CHCHD6: variants seen among roughly 807,000 people sequenced by gnomAD.
CHCHD6 encodes the protein coiled-coil-helix-coiled-coil-helix domain containing 6, also known as MICOS complex subunit MIC25.
A neutral mutation model predicts 32.3 loss-of-function variants in CHCHD6; 28 were observed. The ratio of observed to expected loss-of-function variants is 0.87; its 90% confidence interval spans 0.64 to 1.19. CHCHD6 has a LOEUF of 1.19. CHCHD6 is among the 50% of genes most tolerant of loss of function. The pLI is 0.00. For missense variants in CHCHD6, 333 were observed against 307.0 expected, an observed-to-expected ratio of 1.08 and a Z score of -0.63; for synonymous variants, 122 against 117.5, an observed-to-expected ratio of 1.04 and a Z score of -0.25.
At chr3:126,920,680 A>C (rs1459110328) in intron 6 of CHCHD6, among the ~76,000 whole-genome samples, 1 of 152,190 alleles carries the variant, frequency 6.6e-6, no homozygotes, top group African/African-American at 2.4e-5. Flanking sequence ...TGGCTCCCTA[A>C]GTCCTAGCTG....
At chr3:126,784,420 T>C (rs1938101575) in intron 4 of CHCHD6, among the ~76,000 whole-genome samples, 1 of 152,172 alleles carries the variant, frequency 6.6e-6, no homozygotes, top group South Asian at 2.1e-4. Flanking sequence ...CCATTGTGGA[T>C]GTCACTCTCC....
At chr3:126,952,983 T>C (rs1027920903) in intron 6 of CHCHD6, 2 of 985,212 alleles carry the variant, frequency 2.0e-6, no homozygotes, top group African/African-American at 1.7e-5. Context: ...GGATGTGGGG[T>C]CTTCTGTGGT....
intron 4 of CHCHD6, among the ~76,000 whole-genome samples, chr3:126,788,734 A>G (rs1280908298): frequency 6.6e-6 from 1 of 152,050 alleles, no homozygotes; most frequent in Admixed American, 6.5e-5. Flanking sequence ...TAGCCTTGCT[A>G]GCGGTCTATC....
intron 4 of CHCHD6, among the ~76,000 whole-genome samples, chr3:126,765,934 C>A (rs575104003): frequency 3.3e-5 from 5 of 152,190 alleles, no homozygotes; most frequent in African/African-American, 1.2e-4. Context: ...AAAGGAGGAC[C>A]CGGATGCTTC....
At chr3:126,778,169 A>T (rs1432396199) in intron 4 of CHCHD6, among the ~76,000 whole-genome samples, 1 of 152,196 alleles carries the variant, frequency 6.6e-6, no homozygotes, top group Non-Finnish European at 1.5e-5. Context: ...TCCATTAACC[A>T]GTTGATGGAT....
chr3:126,931,236 G>T (rs2078400806), intron 6 of CHCHD6, among the ~76,000 whole-genome samples: 1 of 152,254 alleles, frequency 6.6e-6, no homozygotes, highest in African/African-American at 2.4e-5. Context: ...GTTCTTTGTG[G>T]AGTCAGCCTT....
At chr3:126,925,795 C>T (rs1244611673) in intron 6 of CHCHD6, among the ~76,000 whole-genome samples, 1 of 152,250 alleles carries the variant, frequency 6.6e-6, no homozygotes, top group Non-Finnish European at 1.5e-5. Flanking sequence ...AGAAGAGAGC[C>T]ACGGAGGGCC....
intron 5 of CHCHD6, among the ~76,000 whole-genome samples, chr3:126,862,288 ACCT>A (rs1168633212): frequency 1.2e-4 from 13 of 111,840 alleles, no homozygotes; most frequent in East Asian, 5.7e-4. Context: ...TACCATCACC[ACCT>A]CCTCCTCCTC....
chr3:126,704,965 G>C (rs1214582956), intron 1 of CHCHD6, among the ~76,000 whole-genome samples: 1 of 151,864 alleles, frequency 6.6e-6, no homozygotes, highest in Admixed American at 6.6e-5. Context: ...TCGACCTCTG[G>C]GGACTGCATC....
chr3:126,783,486 A>C (rs1938050242), intron 4 of CHCHD6, among the ~76,000 whole-genome samples: 1 of 152,220 alleles, frequency 6.6e-6, no homozygotes. Context: ...AAAGCATCCA[A>C]ATCAGAAAAG....
At chr3:126,813,876 C>T (rs570920426) in intron 4 of CHCHD6, among the ~76,000 whole-genome samples, 4 of 152,278 alleles carry the variant, frequency 2.6e-5, no homozygotes, top group South Asian at 2.1e-4. Context: ...ACTAGTTGAT[C>T]GGGGGATCTG....
rs1450598106 is a variant in CHCHD6 at position 126,737,395 on chromosome 3, TA to T, written c.411+4174del. On this transcript the variant is annotated intron_variant, in intron 4 of 7. Transcript: ENST00000290913. ...TATTATTTTATGATGTGTGAGTATATATATATATATATATATATATATATGC... is the reference window on the plus strand; with the variant it reads ...TATTATTTTATGATGTGTGAGTATATTATATATATATATATATATATATGC... Among the ~76,000 whole-genome samples the T allele has an allele frequency of 3.3e-3, 398 of 121,652 alleles. 3 individuals are homozygous for T. Among genetic ancestry groups the T allele is most frequent in the African/African-American group, 0.018 (379 of 21,362 alleles). The allele number at this position is 121,652 out of a possible 152,430, so 79.8% of individuals were successfully genotyped here. A position where few individuals can be genotyped will look rare whatever the true frequency, so the allele number is the denominator to read the frequency against.
At chr3:126,879,604 TAA>T (rs1443469782) in intron 5 of CHCHD6, among the ~76,000 whole-genome samples, 2 of 152,338 alleles carry the variant, frequency 1.3e-5, no homozygotes, top group Middle Eastern at 3.4e-3. Flanking sequence ...TAAAGGAGGA[TAA>T]AGAGACATGT....
chr3:126,812,391 G>A (rs1041694497), intron 4 of CHCHD6, among the ~76,000 whole-genome samples: 5 of 146,898 alleles, frequency 3.4e-5, no homozygotes, highest in African/African-American at 1.3e-4. Context: ...CTGGCTTCTA[G>A]TATAACCCAA....
At chr3:126,908,347 C>G (rs912142977) in intron 5 of CHCHD6, among the ~76,000 whole-genome samples, 1 of 152,252 alleles carries the variant, frequency 6.6e-6, no homozygotes, top group Non-Finnish European at 1.5e-5. Context: ...TGTGCTACCC[C>G]CAGCTGGCTT....
At chr3:126,878,890 CAGG>C (rs2077572933) in intron 5 of CHCHD6, among the ~76,000 whole-genome samples, 2 of 152,168 alleles carry the variant, frequency 1.3e-5, no homozygotes, top group Non-Finnish European at 2.9e-5. Flanking sequence ...GAGTCAGGAG[CAGG>C]AGGAGCAGTT....
At chr3:126,717,971 T>C (rs1935097844) in intron 1 of CHCHD6, among the ~76,000 whole-genome samples, 2 of 152,186 alleles carry the variant, frequency 1.3e-5, no homozygotes, top group Admixed American at 6.5e-5. Flanking sequence ...TAGAGTCTTA[T>C]GGAGGTGCCA....
chr3:126,826,269 T>C (rs867112299), intron 4 of CHCHD6, among the ~76,000 whole-genome samples: 1 of 152,196 alleles, frequency 6.6e-6, no homozygotes, highest in African/African-American at 2.4e-5. Context: ...AAATATATTA[T>C]TGGAGACCAG....
At chr3:126,959,073 T>G (rs1337671784) in intron 7 of CHCHD6, among the ~76,000 whole-genome samples, 2 of 152,228 alleles carry the variant, frequency 1.3e-5, no homozygotes. Flanking sequence ...GTGGTAGTTT[T>G]CAGCCCCTAC....
Sources: allele counts gnomAD v4.1 joint callset (sites outside exome capture counted in the v4.1 genomes callset), GRCh38; gene constraint gnomAD v4.1.1; transcripts MANE v1.5; gene names NCBI Gene and HGNC (gene_info 2026-07-23, HGNC 2026-07-21).